HMGXB4: variants seen among roughly 807,000 people sequenced by gnomAD.
The protein encoded by HMGXB4 is HMG domain-containing protein 4.
HMGXB4 carries 27 observed loss-of-function variants against 63.9 expected under a neutral mutation model. That is an observed-to-expected ratio of 0.42 (90% CI 0.31 to 0.58). HMGXB4 has a LOEUF of 0.58. HMGXB4 is among the 20% of genes least tolerant of loss of function. The pLI, the probability that HMGXB4 is intolerant of heterozygous loss-of-function variation, is 0.13. For missense variants in HMGXB4, 624 were observed against 700.7 expected (o/e 0.89, Z 1.24); for synonymous variants, 264 against 265.3 (o/e 0.99, Z 0.05).
At chr22:35,277,678 C>A (rs1450846970) in intron 5 of HMGXB4, among the ~76,000 whole-genome samples, 1 of 152,184 alleles carries the variant, frequency 6.6e-6, no homozygotes, top group Non-Finnish European at 1.5e-5. Context: ...GAAATTTGTT[C>A]AGGAAACTCT....
the HMGXB4 span, among the ~76,000 whole-genome samples, chr22:35,245,227 T>A: frequency 6.6e-6 from 1 of 152,090 alleles, no homozygotes; most frequent in Non-Finnish European, 1.5e-5. Flanking sequence ...CTCCGCCTCC[T>A]CTGCTCCACC....
intron 5 of HMGXB4, among the ~76,000 whole-genome samples, chr22:35,281,652 A>G (rs1051094532): frequency 2.6e-5 from 4 of 152,184 alleles, no homozygotes; most frequent in Non-Finnish European, 4.4e-5. Flanking sequence ...TATACTTTCT[A>G]ATGTTCTCAG....
the HMGXB4 span, among the ~76,000 whole-genome samples, chr22:35,248,182 G>A: frequency 3.3e-5 from 5 of 152,130 alleles, no homozygotes; most frequent in South Asian, 2.1e-4. Context: ...TGGTACACCC[G>A]TATAGGGCAC....
intron 5 of HMGXB4, among the ~76,000 whole-genome samples, chr22:35,268,953 A>G (rs1377981234): frequency 6.6e-6 from 1 of 152,200 alleles, no homozygotes; most frequent in Non-Finnish European, 1.5e-5. Context: ...ACCCCTCATT[A>G]GAATTAACGT....
chr22:35,245,344 G>T, the HMGXB4 span, among the ~76,000 whole-genome samples: 76,918 of 121,408 alleles, frequency 0.63, 23,989 homozygotes, highest in Non-Finnish European at 0.74. Context: ...TTTTTTTTTT[G>T]GCTGAGACTA....
chr22:35,270,771 G>T (rs554747709), intron 5 of HMGXB4, among the ~76,000 whole-genome samples: 2 of 152,292 alleles, frequency 1.3e-5, no homozygotes, highest in East Asian at 3.9e-4. Flanking sequence ...ACCTTATTAA[G>T]AGTTAATATC....
Position 35,262,380 on chromosome 22 carries a change from G to A in HMGXB4, c.-11G>A, listed in dbSNP as rs756754497. 9 of 1,613,810 alleles carry A rather than the reference G, an allele frequency of 5.6e-6. No homozygotes were observed. Among genetic ancestry groups the A allele is most frequent in the Non-Finnish European group, 7.6e-6 (9 of 1,179,818 alleles). On this transcript the variant is annotated 5_prime_UTR_variant, in exon 2 of 11. Transcript: ENST00000216106. ...ACAGTGACACATTCTCAAAGGCCCT[G>A]CAGGACCACCATGGCTTATGATGAC...
intron 9 of HMGXB4, among the ~76,000 whole-genome samples, chr22:35,290,499 G>T (rs1924861132): frequency 6.6e-6 from 1 of 151,968 alleles, no homozygotes; most frequent in Non-Finnish European, 1.5e-5. Flanking sequence ...CAAAAAATTA[G>T]CTGGGCGTGG....
At chr22:35,275,328 C>G (rs1177968377) in intron 5 of HMGXB4, among the ~76,000 whole-genome samples, 3 of 152,004 alleles carry the variant, frequency 2.0e-5, no homozygotes, top group Non-Finnish European at 4.4e-5. Context: ...CCACCTTGGC[C>G]AGGCTGGTCT....
chr22:35,291,050 G>T (rs1208974546), intron 9 of HMGXB4, among the ~76,000 whole-genome samples: 3 of 152,140 alleles, frequency 2.0e-5, no homozygotes, highest in Non-Finnish European at 4.4e-5. Context: ...ATCACCTGAG[G>T]CTAGCAGTTC....
At chr22:35,286,711 A>C (rs988144486) in intron 7 of HMGXB4, among the ~76,000 whole-genome samples, 1 of 152,114 alleles carries the variant, frequency 6.6e-6, no homozygotes, top group Non-Finnish European at 1.5e-5. Context: ...TTAGCCAGGC[A>C]TGGTGGCGCA....
At chr22:35,249,950 G>A in the HMGXB4 span, 3 of 98,620 alleles carry the variant, frequency 3.0e-5, 1 homozygote, top group African/African-American at 7.7e-5. Flanking sequence ...GGCTGGCCCA[G>A]GTCCTTCCAG....
chr22:35,284,013 G>A lies in HMGXB4; in HGVS notation c.1267G>A (p.Val423Met), dbSNP rs565071032. Residue 423 changes from valine (V) to methionine (M), a missense_variant, in exon 6 of 11, where the codon GTG becomes ATG. Coordinates refer to ENST00000216106, the MANE Select transcript of HMGXB4 (RefSeq NM_001003681.3). ...CCAGGTGTTCTGTAAAGAGTATCGC[G>A]TGACCATTGTGGCTGACCATCCAGG... Reference protein sequence around the residue: ...AYQVFCKEYRVTIVADHPGID... With the variant: ...AYQVFCKEYRMTIVADHPGID... The A allele has an allele frequency of 1.9e-5, 30 of 1,614,034 alleles. No homozygotes were observed. The South Asian group carries it at 2.4e-4, about 13-fold the overall frequency.
chr22:35,293,241 G>T, intron 10 of HMGXB4, 127 bp downstream of exon 10: 1 of 1,058,348 alleles, frequency 9.4e-7, no homozygotes. Flanking sequence ...TTGGCCCATG[G>T]AACATGATGC....
chr22:35,253,612 C>T (rs553551811), upstream of HMGXB4, among the ~76,000 whole-genome samples: 269 of 151,570 alleles, frequency 1.8e-3, 2 homozygotes, highest in African/African-American at 6.1e-3. Context: ...CGCGCGCGCG[C>T]GCGCGTGTGT....
intron 5 of HMGXB4, among the ~76,000 whole-genome samples, chr22:35,266,847 G>T (rs1050373566): frequency 6.6e-6 from 1 of 152,062 alleles, no homozygotes; most frequent in Non-Finnish European, 1.5e-5. Context: ...TGCCTGGTGT[G>T]GGGGTGCACA....
intron 5 of HMGXB4, among the ~76,000 whole-genome samples, chr22:35,279,502 C>T (rs769956303): frequency 1.3e-5 from 2 of 152,016 alleles, no homozygotes; most frequent in African/African-American, 2.4e-5. Flanking sequence ...CCCAGTTTAT[C>T]AGTTCCTTCT....
chr22:35,292,870 C>A, intron 9 of HMGXB4, 122 bp from the exon 10 acceptor site: 1 of 1,130,328 alleles, frequency 8.8e-7, no homozygotes, highest in Non-Finnish European at 1.3e-6. Flanking sequence ...CTTTCCATTT[C>A]TGCTGTAAAG....
intron 9 of HMGXB4, among the ~76,000 whole-genome samples, chr22:35,290,190 A>G (rs5755689): frequency 0.51 from 78,016 of 152,042 alleles, 22,855 homozygotes; most frequent in Non-Finnish European, 0.65. Flanking sequence ...AAGTAAAAAC[A>G]GTTTGTTTTA....
Sources: allele counts gnomAD v4.1 joint callset (sites outside exome capture counted in the v4.1 genomes callset), GRCh38; gene constraint gnomAD v4.1.1; transcripts MANE v1.5; gene names NCBI Gene and HGNC (gene_info 2026-07-23, HGNC 2026-07-21).